Variants in OCA2 observed in about 807,000 individuals in gnomAD.
OCA2 encodes the protein P protein.
OCA2 carries 77 observed loss-of-function variants against 100.2 expected under a neutral mutation model. The observed-to-expected ratio is 0.77, with a 90% CI of 0.64 to 0.93. OCA2 has a LOEUF of 0.93. Ranked by LOEUF, OCA2 falls within the 40% of genes least tolerant of loss-of-function variation. The probability of loss-of-function intolerance (pLI) is 0.00; values close to 1 mark genes in which losing one functional copy is unlikely to be tolerated. For synonymous variants in OCA2, 432 were observed against 439.2 expected, an observed-to-expected ratio of 0.98 and a Z score of 0.21; for missense variants, 1,062 against 1,089.1, an observed-to-expected ratio of 0.98 and a Z score of 0.35.
chr15:27,900,821 C>A (rs1000075706), intron 19 of OCA2, among the ~76,000 whole-genome samples: 3 of 152,190 alleles, frequency 2.0e-5, no homozygotes, highest in Non-Finnish European at 4.4e-5. Flanking sequence ...TTCATGCACA[C>A]CTTGGCACTC....
intron 2 of OCA2, among the ~76,000 whole-genome samples, chr15:28,079,549 A>G (rs2044548916): frequency 6.6e-6 from 1 of 151,798 alleles, no homozygotes; most frequent in African/African-American, 2.4e-5. Context: ...GAGAGCCCGC[A>G]CTGTGGGTGG....
intron 1 of OCA2, among the ~76,000 whole-genome samples, chr15:28,085,152 A>G (rs1328922422): frequency 6.6e-6 from 1 of 152,066 alleles, no homozygotes; most frequent in African/African-American, 2.4e-5. Flanking sequence ...AGATGACATC[A>G]TATTAGGAAC....
At chr15:28,042,472 CAAAAAAA>C (rs972724008) in intron 2 of OCA2, among the ~76,000 whole-genome samples, 4 of 97,278 alleles carry the variant, frequency 4.1e-5, no homozygotes, top group Non-Finnish European at 8.9e-5. Flanking sequence ...ACTAAAAATA[CAAAAAAA>C]AAAAAAAAAA....
intron 23 of OCA2, among the ~76,000 whole-genome samples, chr15:27,833,606 T>C (rs1019536563): frequency 3.3e-5 from 5 of 152,214 alleles, no homozygotes; most frequent in Non-Finnish European, 7.3e-5. Flanking sequence ...AAGGATTCTC[T>C]GCCATTAAAT....
chr15:27,819,424 T>A (rs2034421709), intron 23 of OCA2, among the ~76,000 whole-genome samples: 1 of 152,222 alleles, frequency 6.6e-6, no homozygotes, highest in Non-Finnish European at 1.5e-5. Context: ...CACTGCCTCA[T>A]CCATCTCCAA....
intron 1 of OCA2, among the ~76,000 whole-genome samples, chr15:28,093,388 G>C (rs1428452774): frequency 6.7e-6 from 1 of 148,752 alleles, no homozygotes; most frequent in Admixed American, 6.8e-5. Context: ...TCCAGCCTGG[G>C]CGACAAGAGC....
chr15:27,975,540 G>A (rs1026633462), intron 14 of OCA2, among the ~76,000 whole-genome samples: 3 of 152,154 alleles, frequency 2.0e-5, no homozygotes, highest in Non-Finnish European at 4.4e-5. Context: ...TGTGGAAAAC[G>A]CTATCTTGTC....
chr15:27,742,689 T>C, the OCA2 span, among the ~76,000 whole-genome samples: 26 of 152,290 alleles, frequency 1.7e-4, no homozygotes, highest in East Asian at 3.9e-3. Context: ...TAACCGGCTA[T>C]AATCTGGCTT....
the OCA2 span, among the ~76,000 whole-genome samples, chr15:27,719,757 G>T: frequency 2.2e-4 from 33 of 152,200 alleles, no homozygotes; most frequent in Non-Finnish European, 4.3e-4. Context: ...GTTTATTTTG[G>T]CTCACAGTTC....
At chr15:28,086,252 C>T (rs1474334885) in intron 1 of OCA2, among the ~76,000 whole-genome samples, 2 of 152,244 alleles carry the variant, frequency 1.3e-5, no homozygotes, top group Non-Finnish European at 2.9e-5. Flanking sequence ...AGGGCATTCA[C>T]TTCTGCTCAG....
At chr15:27,918,892 G>A (rs962073831) in intron 19 of OCA2, among the ~76,000 whole-genome samples, 1 of 152,168 alleles carries the variant, frequency 6.6e-6, no homozygotes, top group African/African-American at 2.4e-5. Context: ...CTTTCCCAGT[G>A]TCAAGGTAAC....
chr15:28,013,380 A>G (rs893662542), intron 9 of OCA2, among the ~76,000 whole-genome samples: 6 of 152,076 alleles, frequency 3.9e-5, no homozygotes, highest in Non-Finnish European at 7.4e-5. Context: ...GCTTCTGGGT[A>G]CTCAGCTTCG....
At chr15:27,858,210 C>G (rs959977183) in intron 21 of OCA2, among the ~76,000 whole-genome samples, 5 of 151,972 alleles carry the variant, frequency 3.3e-5, no homozygotes, top group Admixed American at 6.6e-5. Flanking sequence ...CTCATCTCTA[C>G]TAAAAATACA....
At chr15:27,779,258 G>T (rs1332096062) in intron 23 of OCA2, among the ~76,000 whole-genome samples, 1 of 152,172 alleles carries the variant, frequency 6.6e-6, no homozygotes, top group Non-Finnish European at 1.5e-5. Flanking sequence ...GAATGATCTG[G>T]ATGTGTCTGC....
chr15:27,730,740 TATATATATATATATATA>T, the OCA2 span, among the ~76,000 whole-genome samples: 3 of 19,586 alleles, frequency 1.5e-4, no homozygotes, highest in African/African-American at 5.3e-4. Flanking sequence ...CAAATATATA[TATATATATATATATATA>T]TATATATATA....
At chr15:28,029,113 A>G (rs1256590064) in intron 3 of OCA2, among the ~76,000 whole-genome samples, 2 of 152,306 alleles carry the variant, frequency 1.3e-5, no homozygotes, top group African/African-American at 4.8e-5. Context: ...GGCTCACAAT[A>G]CTGACGTTAA....
chr15:27,974,683 G>A (rs900536175), intron 14 of OCA2, among the ~76,000 whole-genome samples: 10 of 152,168 alleles, frequency 6.6e-5, no homozygotes, highest in African/African-American at 2.4e-4. Context: ...CAGGAGAATT[G>A]CTTGAACCCA....
At chr15:27,807,270 G>T (rs1015877616) in intron 23 of OCA2, among the ~76,000 whole-genome samples, 7 of 152,056 alleles carry the variant, frequency 4.6e-5, no homozygotes, top group Non-Finnish European at 8.8e-5. Flanking sequence ...TTTCCCCAGG[G>T]CTCCTCCAGC....
chr15:28,068,631 C>T (rs2044098103), intron 2 of OCA2, among the ~76,000 whole-genome samples: 2 of 152,232 alleles, frequency 1.3e-5, no homozygotes, highest in South Asian at 4.1e-4. Flanking sequence ...CTGGCAGAGA[C>T]ACAGTGAAAA....
Sources: gnomAD v4.1 joint callset for allele counts (sites outside exome capture counted in the v4.1 genomes callset) on GRCh38, gnomAD v4.1.1 for gene constraint, MANE v1.5 for transcripts, NCBI Gene and HGNC (gene_info 2026-07-23, HGNC 2026-07-21) for gene names.